FOXN3: variants seen among roughly 807,000 people sequenced by gnomAD.
The protein encoded by FOXN3 is forkhead box protein N3.
A neutral mutation model predicts 38.4 loss-of-function variants in FOXN3; 7 were observed. The observed-to-expected ratio is 0.18, with a 90% confidence interval of 0.10 to 0.34. FOXN3 has a LOEUF of 0.34. Ranked by LOEUF, FOXN3 falls within the 10% of genes least tolerant of loss-of-function variation. The probability of loss-of-function intolerance (pLI) is 1.00; values close to 1 mark genes in which losing one functional copy is unlikely to be tolerated. For missense variants in FOXN3, 456 were observed against 613.4 expected (o/e 0.74, Z 2.71); for synonymous variants, 230 against 242.2 (o/e 0.95, Z 0.47).
chr14:89,511,285 T>G lies in FOXN3; in HGVS notation c.-14-98795A>C, dbSNP rs1254949643. 5.8e-5 allele frequency among the ~76,000 whole-genome samples: 6 copies of G among 103,790 alleles called. 1 individual carries two copies. The highest frequency in any genetic ancestry group is 1.8e-4 in the African/African-American group (6 of 32,820). 68.1% of individuals were successfully genotyped at this position (103,790 alleles called of 152,430 possible). On this transcript the variant is annotated intron_variant, in intron 1 of 6. Transcript: ENST00000345097. The stretch of plus-strand genomic sequence containing the variant: ...TTTCTTTCTTTCTTTCTTTCTTTCT[T>G]TCTTTCTTTCTTTCTTTCTTTCTTT...
At chr14:89,555,501 G>A (rs1336528133) in intron 1 of FOXN3, among the ~76,000 whole-genome samples, 1 of 152,066 alleles carries the variant, frequency 6.6e-6, no homozygotes, top group African/African-American at 2.4e-5. Flanking sequence ...TAGCAGTAAG[G>A]ATAAGCATCT....
intron 3 of FOXN3, among the ~76,000 whole-genome samples, chr14:89,325,928 G>A (rs533700930): frequency 2.4e-4 from 36 of 152,316 alleles, no homozygotes; most frequent in East Asian, 3.9e-4. Flanking sequence ...CAGGTCTGGC[G>A]TCTCCCAACA....
At chr14:89,242,655 C>T (rs542111031) in intron 4 of FOXN3, among the ~76,000 whole-genome samples, 2 of 152,130 alleles carry the variant, frequency 1.3e-5, no homozygotes, top group East Asian at 3.9e-4. Flanking sequence ...ACTTAATCAA[C>T]AATTACACTG....
At chr14:89,363,873 G>A (rs1355702402) in intron 2 of FOXN3, among the ~76,000 whole-genome samples, 2 of 150,144 alleles carry the variant, frequency 1.3e-5, no homozygotes, top group South Asian at 4.2e-4. Context: ...GAGCCTAGGA[G>A]GTCAAGGCTG....
At chr14:89,416,243 G>A (rs1434541608) in intron 1 of FOXN3, among the ~76,000 whole-genome samples, 1 of 152,184 alleles carries the variant, frequency 6.6e-6, no homozygotes, top group Admixed American at 6.5e-5. Context: ...GGCGTTGCCG[G>A]GCAACGGGGG....
At chr14:89,256,701 A>G (rs114353491) in intron 4 of FOXN3, among the ~76,000 whole-genome samples, 1 of 152,080 alleles carries the variant, frequency 6.6e-6, no homozygotes, top group African/African-American at 2.4e-5. Flanking sequence ...GAGTTTAAGG[A>G]TGTGCATTAT....
chr14:89,359,243 C>A (rs56348706), intron 2 of FOXN3, among the ~76,000 whole-genome samples: 17,015 of 151,722 alleles, frequency 0.11, 1,244 homozygotes, highest in Non-Finnish European at 0.16. Context: ...TTGCAGTGAG[C>A]CGAGATCACG....
rs1596307156 is a variant in FOXN3, at chr14:89,524,242, T to G, written c.-15+94786A>C. ...ACAAAAAATTAGCCAAGCGAGGTGG[T>G]GGGCGCCTGTAGTCCCAGCTACTCG... is the stretch of plus-strand genomic sequence containing the variant. On this transcript the variant is annotated intron_variant, in intron 1 of 6. Transcript: ENST00000345097. Among the ~76,000 whole-genome samples, 3 of 144,636 alleles carry G rather than the reference T, an allele frequency of 2.1e-5. No homozygotes were observed. The South Asian group carries it at 6.5e-4, about 31-fold the overall frequency. 94.9% of individuals were successfully genotyped at this position (144,636 alleles called of 152,430 possible).
At chr14:89,432,731 A>C (rs749175444) in intron 1 of FOXN3, among the ~76,000 whole-genome samples, 1 of 152,218 alleles carries the variant, frequency 6.6e-6, no homozygotes, top group Admixed American at 6.5e-5. Flanking sequence ...TCTGCTGGTC[A>C]TCTCTACCTC....
chr14:89,302,037 C>T (rs1190755586), intron 3 of FOXN3, among the ~76,000 whole-genome samples: 2 of 152,142 alleles, frequency 1.3e-5, no homozygotes, highest in Admixed American at 1.3e-4. Context: ...AGTCCCTCCC[C>T]ACATAGTGTA....
At chr14:89,555,174 A>G (rs146552321) in intron 1 of FOXN3, among the ~76,000 whole-genome samples, 331 of 151,704 alleles carry the variant, frequency 2.2e-3, no homozygotes, top group Middle Eastern at 6.8e-3. Flanking sequence ...CACTTAACAT[A>G]CCTCAGAGAT....
intron 5 of FOXN3, among the ~76,000 whole-genome samples, chr14:89,169,598 T>C (rs1324347137): frequency 6.6e-6 from 1 of 152,030 alleles, no homozygotes; most frequent in Non-Finnish European, 1.5e-5. Context: ...TGGAGAAATG[T>C]AGCATATCAA....
At chr14:89,371,576 G>A (rs1181415395) in intron 2 of FOXN3, among the ~76,000 whole-genome samples, 1 of 151,780 alleles carries the variant, frequency 6.6e-6, no homozygotes, top group Non-Finnish European at 1.5e-5. Context: ...TATTATGTAC[G>A]TGTGCTGGAT....
At chr14:89,332,366 T>C (rs2139987714) in intron 3 of FOXN3, among the ~76,000 whole-genome samples, 1 of 152,234 alleles carries the variant, frequency 6.6e-6, no homozygotes, top group Non-Finnish European at 1.5e-5. Flanking sequence ...ACAACAAAAG[T>C]GAGCAAAAAG....
At chr14:89,178,036 C>T (rs1887568566) in intron 5 of FOXN3, among the ~76,000 whole-genome samples, 1 of 152,296 alleles carries the variant, frequency 6.6e-6, no homozygotes, top group East Asian at 1.9e-4. Context: ...TTTACATGGT[C>T]TCACTCTGTC....
At chr14:89,248,038 G>A (rs8012191) in intron 4 of FOXN3, among the ~76,000 whole-genome samples, 100,026 of 152,068 alleles carry the variant, frequency 0.66, 32,897 homozygotes, top group African/African-American at 0.73. Flanking sequence ...ATTCTTCAAA[G>A]GGCCTTCCCT....
At chr14:89,603,645 A>G (rs1896205859) in intron 1 of FOXN3, among the ~76,000 whole-genome samples, 1 of 152,234 alleles carries the variant, frequency 6.6e-6, no homozygotes, top group Non-Finnish European at 1.5e-5. Context: ...TACCTGTCCA[A>G]TCCTCCAACT....
chr14:89,551,813 G>T (rs931160266), intron 1 of FOXN3, among the ~76,000 whole-genome samples: 8 of 151,944 alleles, frequency 5.3e-5, no homozygotes, highest in African/African-American at 1.7e-4. Context: ...CTCATCTAGG[G>T]GTAACTCTAT....
chr14:89,540,473 G>A (rs1894771177), intron 1 of FOXN3, among the ~76,000 whole-genome samples: 1 of 152,164 alleles, frequency 6.6e-6, no homozygotes, highest in South Asian at 2.1e-4. Flanking sequence ...GGTGACTCAC[G>A]CCTGTAATCC....
Sources: gnomAD v4.1 joint callset for allele counts (sites outside exome capture counted in the v4.1 genomes callset) on GRCh38, gnomAD v4.1.1 for gene constraint, MANE v1.5 for transcripts, NCBI Gene and HGNC (gene_info 2026-07-23, HGNC 2026-07-21) for gene names.